Variants in IGF1R observed in about 807,000 individuals in gnomAD.
IGF1R encodes the protein insulin-like growth factor 1 receptor.
IGF1R carries 44 observed loss-of-function variants against 144.6 expected under a neutral mutation model. That is an observed-to-expected ratio of 0.30 (90% CI 0.24 to 0.39). IGF1R has a LOEUF of 0.39. IGF1R is among the 10% of genes least tolerant of loss of function. The pLI, the probability that IGF1R is intolerant of heterozygous loss-of-function variation, is 1.00. For missense variants in IGF1R, 1,355 were observed against 1,833.7 expected, an observed-to-expected ratio of 0.74 and a Z score of 4.77; for synonymous variants, 795 against 722.8, an observed-to-expected ratio of 1.10 and a Z score of -1.60.
intron 18 of IGF1R, among the ~76,000 whole-genome samples, chr15:98,939,974 A>G (rs1422785859): frequency 2.0e-5 from 3 of 152,192 alleles, no homozygotes; most frequent in African/African-American, 7.2e-5. Flanking sequence ...TCACCAGCCT[A>G]CTGGTTAGAC....
chr15:98,740,172 T>C (rs978035696), intron 2 of IGF1R, among the ~76,000 whole-genome samples: 1 of 152,242 alleles, frequency 6.6e-6, no homozygotes, highest in African/African-American at 2.4e-5. Flanking sequence ...GTTAGTAATC[T>C]TGATGTTTTA....
rs746636778 is a variant in IGF1R, at chr15:98,922,157, G to A, written c.2211G>A (p.Arg737=). The part of the protein sequence containing the change: ...HNSIFVPRPE[R]KRRDVMQVAN... ...TCTCTCCTCCTTGCAGACCTGAAAG[G>A]AAGCGGAGAGATGTCATGCAAGTGG... The change falls in exon 11 of 21, where the codon AGG becomes AGA. Residue 737 remains arginine (R), a synonymous_variant. Transcript: ENST00000650285. 5 of 1,614,044 alleles carry A rather than the reference G, an allele frequency of 3.1e-6. No homozygotes were observed. The Admixed American group carries it at 8.3e-5, about 27-fold the overall frequency.
chr15:98,661,982 T>TTG (rs2052612243), intron 1 of IGF1R, among the ~76,000 whole-genome samples: 1 of 101,328 alleles, frequency 9.9e-6, no homozygotes, highest in Non-Finnish European at 2.0e-5. Flanking sequence ...TTTTTTTTTT[T>TTG]GAGACAGTCT....
chr15:98,736,276 A>T (rs1341521255), intron 2 of IGF1R, among the ~76,000 whole-genome samples: 1 of 152,244 alleles, frequency 6.6e-6, no homozygotes, highest in Non-Finnish European at 1.5e-5. Flanking sequence ...AATGCATCTC[A>T]GCAAGAAAGG....
intron 2 of IGF1R, among the ~76,000 whole-genome samples, chr15:98,820,448 T>C (rs1042766365): frequency 6.6e-6 from 1 of 152,194 alleles, no homozygotes. Context: ...ATAATCCAAC[T>C]TTTTCTCAAT....
Position 98,949,781 on chromosome 15 carries a change from G to A in IGF1R, c.3722+1073G>A, listed in dbSNP as rs1209936801. ...TGTTGGTGAGGCCTCTCTGCTCAGCGCCCCCTGGAGAAGCCCCCCTTTTGG... is the reference window on the plus strand; with the variant it reads ...TGTTGGTGAGGCCTCTCTGCTCAGCACCCCCTGGAGAAGCCCCCCTTTTGG... On this transcript the variant is annotated intron_variant, in intron 20 of 20. Coordinates refer to ENST00000650285, the MANE Select transcript of IGF1R (RefSeq NM_000875.5). 2.6e-5 allele frequency among the ~76,000 whole-genome samples: 4 copies of A among 152,192 alleles called. No individual in the cohort carries two copies. The East Asian group carries it at 7.7e-4, about 29-fold the overall frequency.
chr15:98,734,049 C>T (rs577144985), intron 2 of IGF1R, among the ~76,000 whole-genome samples: 2 of 152,094 alleles, frequency 1.3e-5, no homozygotes, highest in East Asian at 1.9e-4. Context: ...AGATGCTGAC[C>T]GTATCTGCTG....
intron 2 of IGF1R, among the ~76,000 whole-genome samples, chr15:98,833,858 A>G (rs184383106): frequency 4.6e-5 from 7 of 152,340 alleles, no homozygotes; most frequent in Non-Finnish European, 8.8e-5. Flanking sequence ...CATGCTATCT[A>G]GAGGCAGCCA....
intron 2 of IGF1R, among the ~76,000 whole-genome samples, chr15:98,835,207 A>G (rs1306839938): frequency 6.9e-6 from 1 of 144,088 alleles, no homozygotes; most frequent in Admixed American, 6.9e-5. Flanking sequence ...ACCTTCCCAC[A>G]CAGACCTACA....
chr15:98,778,432 C>G (rs1240794068), intron 2 of IGF1R, among the ~76,000 whole-genome samples: 1 of 152,192 alleles, frequency 6.6e-6, no homozygotes, highest in Non-Finnish European at 1.5e-5. Context: ...CCTATCCTTC[C>G]ACTTCACAGA....
chr15:98,738,154 A>C (rs1416446122), intron 2 of IGF1R, among the ~76,000 whole-genome samples: 1 of 152,222 alleles, frequency 6.6e-6, no homozygotes, highest in African/African-American at 2.4e-5. Flanking sequence ...TATGATAGGC[A>C]ACAGGTTACC....
intron 2 of IGF1R, among the ~76,000 whole-genome samples, chr15:98,743,804 A>C (rs1005022550): frequency 8.5e-5 from 13 of 152,224 alleles, no homozygotes; most frequent in Admixed American, 2.6e-4. Flanking sequence ...TAGGCAATGC[A>C]AAAGGCAAAG....
rs1200401418 is a variant in IGF1R, at chr15:98,916,893, A to C, written c.2201+17A>C. 1 of 1,612,808 alleles carries C rather than the reference A, an allele frequency of 6.2e-7. No individual in the cohort carries two copies. The highest frequency in any genetic ancestry group is 2.2e-5 in the East Asian group (1 of 44,866). On this transcript the variant is annotated intron_variant, in intron 10 of 20. Transcript: ENST00000650285. ...CGTGCCCAGGTACCCAGCTCATGTG[A>C]AATTTCAGTTGGCAAAACCCACTGC...
intron 2 of IGF1R, chr15:98,880,807 C>A (rs999835390): frequency 6.6e-6 from 1 of 152,204 alleles, no homozygotes; most frequent in South Asian, 2.1e-4. Flanking sequence ...ATTGCAACAA[C>A]TGAAGCAGAA....
chr15:98,812,110 G>C (rs1279381946), intron 2 of IGF1R, among the ~76,000 whole-genome samples: 3 of 152,110 alleles, frequency 2.0e-5, no homozygotes, highest in East Asian at 1.9e-4. Flanking sequence ...CCACATCGTT[G>C]AGATTTAAAA....
rs960668443 is a variant in IGF1R, at chr15:98,922,071, T to C, written c.2202-77T>C. Reference sequence around the variant, plus strand: ...TTCTATTCCACGGTTAAGATTCTTCTGTTACTCTTACTCAAGTCATAGAAA... The same window carrying C: ...TTCTATTCCACGGTTAAGATTCTTCCGTTACTCTTACTCAAGTCATAGAAA... On this transcript the variant is annotated intron_variant, in intron 10 of 20. Coordinates refer to ENST00000650285, the MANE Select transcript of IGF1R (RefSeq NM_000875.5). 2.0e-5 allele frequency: 30 copies of C among 1,510,764 alleles called. 1 individual carries two copies. The South Asian group carries it at 3.2e-4, about 16-fold the overall frequency. 93.6% of individuals were successfully genotyped at this position (1,510,764 alleles called of 1,614,324 possible).
intron 2 of IGF1R, among the ~76,000 whole-genome samples, chr15:98,830,125 G>C (rs1449576888): frequency 1.3e-5 from 2 of 152,122 alleles, no homozygotes. Flanking sequence ...CAGACCCTTC[G>C]AGATCAGCTT....
Position 98,707,958 on chromosome 15 carries a change from T to G in IGF1R, c.491T>G (p.Val164Gly). Residue 164 changes from valine to glycine, a missense_variant, in exon 2 of 21, where the codon GTG becomes GGG. By Grantham distance (109) the Val-to-Gly change is moderately radical. Transcript: ENST00000650285. This position sits in a 1 kb window ranked among gnomAD's most constrained non-coding sequence, Gnocchi z 6.7. Reference protein sequence around the residue: ...TVDWSLILDAVSNNYIVGNKP... With the variant: ...TVDWSLILDAGSNNYIVGNKP... ...GACTGGTCCCTGATCCTGGATGCGG[T>G]GTCCAATAACTACATTGTGGGGAAT... 1 of 1,614,194 alleles carries G rather than the reference T, an allele frequency of 6.2e-7. No homozygotes were observed. Among genetic ancestry groups the G allele is most frequent in the Non-Finnish European group, 8.5e-7 (1 of 1,180,036 alleles).
intron 1 of IGF1R, among the ~76,000 whole-genome samples, chr15:98,683,546 T>C (rs1019105001): frequency 6.6e-6 from 1 of 152,226 alleles, no homozygotes; most frequent in Admixed American, 6.5e-5. Flanking sequence ...TAATCTTAGC[T>C]CAGCTTAGTG....
Sources: gnomAD v4.1 joint callset for allele counts (sites outside exome capture counted in the v4.1 genomes callset) on GRCh38, gnomAD v4.1.1 for gene constraint, Gnocchi (gnomAD v3.1) non-coding constraint, MANE v1.5 for transcripts, NCBI Gene and HGNC (gene_info 2026-07-23, HGNC 2026-07-21) for gene names.